Variants in SRBD1 observed in about 807,000 individuals in gnomAD.
SRBD1 encodes the protein S1 RNA-binding domain-containing protein 1.
In SRBD1, 88 loss-of-function variants were observed where a neutral mutation model predicts 115.3. The ratio of observed to expected loss-of-function variants is 0.76; its 90% confidence interval spans 0.64 to 0.91. The LOEUF is 0.91. Among genes scored for constraint, SRBD1 ranks in the 40% least tolerant of loss-of-function variants. The pLI, the probability that SRBD1 is intolerant of heterozygous loss-of-function variation, is 0.00. For missense variants in SRBD1, 1,385 were observed against 1,177.4 expected, an observed-to-expected ratio of 1.18 and a Z score of -2.58; for synonymous variants, 509 against 407.7, an observed-to-expected ratio of 1.25 and a Z score of -2.99.
At chr2:45,490,904 C>T (rs1387909524) in intron 14 of SRBD1, among the ~76,000 whole-genome samples, 2 of 152,128 alleles carry the variant, frequency 1.3e-5, no homozygotes, top group East Asian at 3.8e-4. Flanking sequence ...ATTTCATATG[C>T]TTTACTTACT....
chr2:45,583,619 C>CCTATGTT (rs1431609200), intron 5 of SRBD1, among the ~76,000 whole-genome samples: 4 of 152,232 alleles, frequency 2.6e-5, no homozygotes, highest in East Asian at 1.9e-4. Context: ...TTTCTATTCA[C>CCTATGTT]TATTTCATTT....
chr2:45,518,804 C>T (rs894868272), intron 14 of SRBD1, among the ~76,000 whole-genome samples: 2 of 151,972 alleles, frequency 1.3e-5, no homozygotes, highest in East Asian at 1.9e-4. Flanking sequence ...TCTAATTTGA[C>T]TTGTTTTGTT....
At chr2:45,505,026 C>G (rs1399276240) in intron 14 of SRBD1, among the ~76,000 whole-genome samples, 1 of 152,032 alleles carries the variant, frequency 6.6e-6, no homozygotes, top group Non-Finnish European at 1.5e-5. Flanking sequence ...CAAATAGGTG[C>G]AAAGGAGAAT....
intron 14 of SRBD1, among the ~76,000 whole-genome samples, chr2:45,536,457 G>A (rs2103997009): frequency 6.6e-6 from 1 of 152,002 alleles, no homozygotes; most frequent in African/African-American, 2.4e-5. Context: ...CTGGAATTAT[G>A]TTCTCTTTTC....
intron 16 of SRBD1, among the ~76,000 whole-genome samples, chr2:45,442,722 A>G (rs970067763): frequency 6.6e-6 from 1 of 152,200 alleles, no homozygotes; most frequent in African/African-American, 2.4e-5. Context: ...TCAGCTTAGA[A>G]CTGACAGTTT....
chr2:45,549,120 G>T (rs890190802), intron 12 of SRBD1: 4 of 152,096 alleles, frequency 2.6e-5, no homozygotes, highest in African/African-American at 4.8e-5. Flanking sequence ...AAACTAACTA[G>T]TAAAAGATAC....
chr2:45,454,239 G>C (rs1179258541), intron 16 of SRBD1, among the ~76,000 whole-genome samples: 1 of 151,894 alleles, frequency 6.6e-6, no homozygotes, highest in African/African-American at 2.4e-5. Flanking sequence ...TTGTCAATGT[G>C]TAAGATCGTG....
chr2:45,461,524 T>C (rs1449303609), intron 16 of SRBD1, among the ~76,000 whole-genome samples: 1 of 152,200 alleles, frequency 6.6e-6, no homozygotes, highest in Non-Finnish European at 1.5e-5. Context: ...GCTTTCTATA[T>C]ACTGCAAACT....
intron 16 of SRBD1, among the ~76,000 whole-genome samples, chr2:45,443,084 G>A (rs916062352): frequency 1.3e-5 from 2 of 152,180 alleles, no homozygotes; most frequent in Admixed American, 6.5e-5. Context: ...CCATGGCAAG[G>A]AGTTTGAATT....
At chr2:45,526,826 G>C (rs1373095073) in intron 14 of SRBD1, among the ~76,000 whole-genome samples, 1 of 151,750 alleles carries the variant, frequency 6.6e-6, no homozygotes, top group Admixed American at 6.6e-5. Flanking sequence ...AGAAGATTAG[G>C]ATTCATGTAA....
chr2:45,465,127 T>A (rs902049165), intron 16 of SRBD1, among the ~76,000 whole-genome samples: 13 of 151,926 alleles, frequency 8.6e-5, no homozygotes, highest in Middle Eastern at 3.2e-3. Flanking sequence ...AAGGCCCTGA[T>A]ATAAAACGGT....
chr2:45,423,447 G>A (rs1668064415), intron 16 of SRBD1, among the ~76,000 whole-genome samples: 1 of 152,058 alleles, frequency 6.6e-6, no homozygotes, highest in Non-Finnish European at 1.5e-5. Flanking sequence ...CCAGATACAT[G>A]GTAGGAGAAT....
chr2:45,574,881 T>C (rs1197028411), intron 7 of SRBD1, among the ~76,000 whole-genome samples, 158 bp from the exon 8 acceptor site: 3 of 152,182 alleles, frequency 2.0e-5, no homozygotes, highest in South Asian at 2.1e-4. Flanking sequence ...TAGCTTCCCT[T>C]TGTAACAAAA....
Position 45,477,058 on chromosome 2 carries a change from C to G in SRBD1, c.1984G>C (p.Val662Leu). The G allele has an allele frequency of 1.9e-6, 3 of 1,613,596 alleles. No homozygotes were observed. Among genetic ancestry groups the G allele is most frequent in the Non-Finnish European group, 2.5e-6 (3 of 1,179,852 alleles). ...ACTAGCTCAGCTAATGGATCTTGTA[C>G]ACGCCTTGCTATGGAAACTGAAAAA... ...LRSAVSIARR[V>L]QDPLAELVKI... The change falls in exon 16 of 21, where the codon GTA (valine) becomes CTA (leucine). Residue 662 changes from valine to leucine, a missense_variant. Transcript: ENST00000263736.
chr2:45,403,377 G>C lies in SRBD1; in HGVS notation c.2513+9737C>G, dbSNP rs139335997. 5.3e-3 allele frequency among the ~76,000 whole-genome samples: 799 copies of C among 151,272 alleles called. 2 individuals are homozygous for C. The highest frequency in any genetic ancestry group is 0.017 in the Middle Eastern group (5 of 290). ...AAAGTAAAGCTAAACATTTCATTTT[G>C]TTCTACTGAAGTTATCAGTTCCTGA... On this transcript the variant is annotated intron_variant, in intron 19 of 20. Coordinates refer to ENST00000263736, the MANE Select transcript of SRBD1 (RefSeq NM_018079.5).
At chr2:45,570,073 A>C (rs577810382) in intron 9 of SRBD1, among the ~76,000 whole-genome samples, 1 of 152,328 alleles carries the variant, frequency 6.6e-6, no homozygotes, top group South Asian at 2.1e-4. Context: ...ATGCTCATTC[A>C]TTATGCATTG....
chr2:45,529,225 G>C (rs1209927706), intron 14 of SRBD1, among the ~76,000 whole-genome samples: 10 of 151,832 alleles, frequency 6.6e-5, no homozygotes. Context: ...TATCCCCCAA[G>C]ATATTAAATT....
chr2:45,538,971 C>A (rs768628612), intron 14 of SRBD1, among the ~76,000 whole-genome samples: 2 of 152,008 alleles, frequency 1.3e-5, no homozygotes, highest in African/African-American at 4.8e-5. Context: ...CATGTTTCCA[C>A]AGGCATAGAT....
At chr2:45,572,760 GA>G (rs148953828) in intron 9 of SRBD1, among the ~76,000 whole-genome samples, 1 of 151,690 alleles carries the variant, frequency 6.6e-6, no homozygotes, top group East Asian at 1.9e-4. Flanking sequence ...CTACACTTAG[GA>G]AAAAAAATTA....
Sources: allele counts gnomAD v4.1 joint callset (sites outside exome capture counted in the v4.1 genomes callset), GRCh38; gene constraint gnomAD v4.1.1; transcripts MANE v1.5; gene names NCBI Gene and HGNC (gene_info 2026-07-23, HGNC 2026-07-21).